The following VEGFC variants were observed in gnomAD, a reference collection of about 807,000 sequenced individuals.
VEGFC encodes FLT4 ligand DHM.
In VEGFC, 12 loss-of-function variants were observed where a neutral mutation model predicts 46.1. The ratio of observed to expected loss-of-function variants is 0.26; its 90% CI spans 0.17 to 0.42. The LOEUF (loss-of-function observed/expected upper bound fraction) is 0.42. Among genes scored for constraint, VEGFC ranks in the 10% least tolerant of loss-of-function variants. The pLI is 1.00. For missense variants in VEGFC, 488 were observed against 529.4 expected (o/e 0.92, Z 0.77); for synonymous variants, 232 against 195.5 (o/e 1.19, Z -1.56).
intron 1 of VEGFC, among the ~76,000 whole-genome samples, chr4:176,737,493 A>G (rs1250667095): frequency 1.3e-5 from 2 of 150,608 alleles, no homozygotes; most frequent in Non-Finnish European, 3.0e-5. Flanking sequence ...AAGATAATTT[A>G]TGTCTTTTAG....
chr4:176,760,876 T>G (rs1337655059), intron 1 of VEGFC, among the ~76,000 whole-genome samples: 1 of 152,222 alleles, frequency 6.6e-6, no homozygotes, highest in Non-Finnish European at 1.5e-5. Context: ...GCTGGATGTA[T>G]TCTAAGCTTA....
At chr4:176,713,831 C>T (rs544140697) in intron 3 of VEGFC, among the ~76,000 whole-genome samples, 4 of 152,228 alleles carry the variant, frequency 2.6e-5, no homozygotes, top group South Asian at 2.1e-4. Flanking sequence ...GTCAAGCCAA[C>T]GGGTGCCAGA....
chr4:176,702,118 T>C (rs1384552367), intron 4 of VEGFC, among the ~76,000 whole-genome samples: 4 of 152,162 alleles, frequency 2.6e-5, no homozygotes, highest in African/African-American at 4.8e-5. Flanking sequence ...CCAAATCAAA[T>C]GTTTCCTTGG....
intron 1 of VEGFC, among the ~76,000 whole-genome samples, chr4:176,773,836 G>C (rs914178301): frequency 1.3e-5 from 2 of 151,962 alleles, no homozygotes; most frequent in East Asian, 1.9e-4. Context: ...CACCATGCCT[G>C]GCTAATTTTT....
chr4:176,729,755 GA>G lies in VEGFC; in HGVS notation c.148-10del. On this transcript the variant is annotated splice_polypyrimidine_tract_variant and intron_variant, in intron 1 of 6. Coordinates refer to ENST00000618562, the MANE Select transcript of VEGFC (RefSeq NM_005429.5). ...TCTTTGCTTGCATAAGCCTGTCAAA[GA>G]AAAATGCAAGATCAATGACTTACCA... 6.4e-7 allele frequency: 1 copy of G among 1,557,982 alleles called. No homozygotes were observed.
Position 176,728,016 on chromosome 4 carries a change from T to C in VEGFC, c.362-48A>G. 6 of 1,482,510 alleles carry C rather than the reference T, an allele frequency of 4.0e-6. No homozygotes were observed. The Middle Eastern group carries it at 5.4e-4, about 134-fold the overall frequency. The allele number at this position is 1,482,510 out of a possible 1,614,324, so 91.8% of individuals were successfully genotyped here. On this transcript the variant is annotated intron_variant, in intron 2 of 6. Coordinates refer to ENST00000618562, the MANE Select transcript of VEGFC (RefSeq NM_005429.5). ...GTAAGTTTTACGGAAACCACCAAGA[T>C]AAAAAAAGCCCACAGCAGCTGCAAA...
chr4:176,683,841 A>G lies in VEGFC; in HGVS notation c.*85T>C, dbSNP rs1253027358. The G allele has an allele frequency of 9.1e-7, 1 of 1,104,760 alleles. No individual in the cohort carries two copies. Among genetic ancestry groups the G allele is most frequent in the African/African-American group, 1.5e-5 (1 of 64,726 alleles). 68.4% of individuals were successfully genotyped at this position (1,104,760 alleles called of 1,614,324 possible). ...TTGTCTTTGTTAGCATGGACCCACA[A>G]GGGTCTCTCTGTTCACAGACAGTTC... On this transcript the variant is annotated 3_prime_UTR_variant, in exon 7 of 7. Transcript: ENST00000618562.
intron 1 of VEGFC, among the ~76,000 whole-genome samples, chr4:176,770,009 A>T (rs745312734): frequency 3.4e-4 from 51 of 152,214 alleles, no homozygotes; most frequent in Non-Finnish European, 3.5e-4. Context: ...TAAGTCAATA[A>T]GACATATTCC....
chr4:176,724,304 T>C (rs1734838312), intron 3 of VEGFC, among the ~76,000 whole-genome samples: 1 of 152,176 alleles, frequency 6.6e-6, no homozygotes, highest in Non-Finnish European at 1.5e-5. Flanking sequence ...TATATTTTCA[T>C]TTGTTCTCAT....
At chr4:176,757,696 C>T (rs1000580081) in intron 1 of VEGFC, among the ~76,000 whole-genome samples, 3 of 151,838 alleles carry the variant, frequency 2.0e-5, no homozygotes, top group Non-Finnish European at 4.4e-5. Context: ...GTTGAACATA[C>T]CGTCTGCTAG....
At chr4:176,784,438 G>C (rs747281597) in intron 1 of VEGFC, among the ~76,000 whole-genome samples, 1 of 151,776 alleles carries the variant, frequency 6.6e-6, no homozygotes, top group Non-Finnish European at 1.5e-5. Context: ...CATTTTGGAA[G>C]AGGACTTTTA....
intron 1 of VEGFC, among the ~76,000 whole-genome samples, chr4:176,775,116 T>C (rs1355676162): frequency 6.6e-6 from 1 of 152,054 alleles, no homozygotes; most frequent in Non-Finnish European, 1.5e-5. Context: ...TACCCTGGAG[T>C]GGAGGATGAT....
In VEGFC at chr4:176,706,910, A is replaced by G. The variant is rs182050586; in HGVS notation, c.704+4589T>C. 1.6e-4 allele frequency among the ~76,000 whole-genome samples: 25 copies of G among 152,256 alleles called. No individual in the cohort carries two copies. The East Asian group carries it at 4.3e-3, about 26-fold the overall frequency. On this transcript the variant is annotated intron_variant, in intron 4 of 6. Coordinates refer to ENST00000618562, the MANE Select transcript of VEGFC (RefSeq NM_005429.5). The stretch of plus-strand genomic sequence containing the variant: ...CAGTCAATCCTGATCCAAATCCTCA[A>G]ACAAACACTGAATTGCGTTCTCTCA...
intron 4 of VEGFC, among the ~76,000 whole-genome samples, chr4:176,691,081 G>T (rs1734168926): frequency 6.6e-6 from 1 of 152,312 alleles, no homozygotes; most frequent in East Asian, 1.9e-4. Flanking sequence ...CTTCAAAAGT[G>T]AGGAGCAAGT....
chr4:176,740,381 T>C (rs1432916790), intron 1 of VEGFC, among the ~76,000 whole-genome samples: 1 of 123,590 alleles, frequency 8.1e-6, no homozygotes, highest in Non-Finnish European at 1.6e-5. Flanking sequence ...TATATAGTTA[T>C]ATATAACTAT....
At chr4:176,740,615 C>T (rs1259963501) in intron 1 of VEGFC, among the ~76,000 whole-genome samples, 1 of 149,092 alleles carries the variant, frequency 6.7e-6, no homozygotes, top group Non-Finnish European at 1.5e-5. Flanking sequence ...TCAAATCTAG[C>T]CTTCCCTAAT....
chr4:176,689,078 C>G (rs1010191816), intron 4 of VEGFC, among the ~76,000 whole-genome samples: 1 of 152,212 alleles, frequency 6.6e-6, no homozygotes, highest in Non-Finnish European at 1.5e-5. Flanking sequence ...CAACTTCTCA[C>G]TACCTCATTT....
chr4:176,747,520 G>A (rs890464359), intron 1 of VEGFC, among the ~76,000 whole-genome samples: 1 of 151,998 alleles, frequency 6.6e-6, no homozygotes, highest in Non-Finnish European at 1.5e-5. Context: ...AAGGCTGGGC[G>A]TGGTCCTCAC....
rs540328998 is a variant in VEGFC, at chr4:176,740,107, CTA to C, written c.148-10363_148-10362del. The stretch of plus-strand genomic sequence containing the variant: ...ATTCTATATATTCTATACATATATT[CTA>C]TATATATATTCTATATATAGAATAT... On this transcript the variant is annotated intron_variant, in intron 1 of 6. Transcript: ENST00000618562. Among the ~76,000 whole-genome samples the C allele has an allele frequency of 3.6e-3, 419 of 115,976 alleles. 15 individuals are homozygous for C. The highest frequency in any genetic ancestry group is 0.012 in the African/African-American group (369 of 30,494). 76.1% of individuals were successfully genotyped at this position (115,976 alleles called of 152,430 possible). A position where few individuals can be genotyped will look rare whatever the true frequency, so the allele number is the denominator to read the frequency against.
Sources: allele counts gnomAD v4.1 joint callset (sites outside exome capture counted in the v4.1 genomes callset), GRCh38; gene constraint gnomAD v4.1.1; transcripts MANE v1.5; gene names NCBI Gene and HGNC (gene_info 2026-07-23, HGNC 2026-07-21).